BANK1: variants seen among roughly 807,000 people sequenced by gnomAD.
The protein encoded by BANK1 is B-cell scaffold protein with ankyrin repeats.
BANK1 carries 95 observed loss-of-function variants against 94.5 expected under a neutral mutation model. The observed-to-expected ratio is 1.00, with a 90% confidence interval of 0.85 to 1.19. BANK1 has a LOEUF of 1.19. BANK1 is among the 50% of genes most tolerant of loss of function. The pLI is 0.00. For synonymous variants in BANK1, 334 were observed against 308.4 expected, an observed-to-expected ratio of 1.08 and a Z score of -0.87; for missense variants, 987 against 932.2, an observed-to-expected ratio of 1.06 and a Z score of -0.77.
chr4:101,834,801 A>T (rs1049442090), intron 2 of BANK1, among the ~76,000 whole-genome samples: 2 of 152,206 alleles, frequency 1.3e-5, no homozygotes, highest in Non-Finnish European at 2.9e-5. Context: ...ATGCCAGGAA[A>T]GTCATGGAAA....
chr4:102,043,384 C>T (rs1217123954), intron 10 of BANK1, among the ~76,000 whole-genome samples: 3 of 151,926 alleles, frequency 2.0e-5, no homozygotes, highest in Non-Finnish European at 4.4e-5. Flanking sequence ...AATAAAGTGT[C>T]TTTTTTATTA....
chr4:101,949,687 GCCTCTATTTTCTT>G (rs1296237118), intron 7 of BANK1, among the ~76,000 whole-genome samples: 2 of 152,100 alleles, frequency 1.3e-5, no homozygotes, highest in African/African-American at 4.8e-5. Context: ...AACATACTAT[GCCTCTATTTTCTT>G]ATCTACATGA....
At chr4:101,915,543 CAA>C (rs1027044318) in intron 6 of BANK1, among the ~76,000 whole-genome samples, 3 of 151,924 alleles carry the variant, frequency 2.0e-5, no homozygotes, top group Admixed American at 6.6e-5. Context: ...AGACAATTAA[CAA>C]GAGAAATACC....
At chr4:101,819,946 A>AAGAAGG (rs897961872) in intron 1 of BANK1, among the ~76,000 whole-genome samples, 28 of 152,268 alleles carry the variant, frequency 1.8e-4, no homozygotes, top group African/African-American at 6.7e-4. Flanking sequence ...TAAGGAGGAG[A>AAGAAGG]AGAAGGAGAA....
intron 2 of BANK1, among the ~76,000 whole-genome samples, chr4:101,836,398 T>C (rs543349745): frequency 6.6e-6 from 1 of 152,228 alleles, no homozygotes; most frequent in South Asian, 2.1e-4. Flanking sequence ...GTGAATCACT[T>C]AAACCTGGGA....
intron 2 of BANK1, among the ~76,000 whole-genome samples, chr4:101,851,572 C>T (rs186115409): frequency 2.4e-4 from 36 of 152,094 alleles, no homozygotes; most frequent in African/African-American, 4.3e-4. Context: ...TCTTGGGTGG[C>T]GGTTTATATT....
At chr4:101,832,884 T>C (rs1257865821) in intron 2 of BANK1, among the ~76,000 whole-genome samples, 1 of 151,964 alleles carries the variant, frequency 6.6e-6, no homozygotes, top group Non-Finnish European at 1.5e-5. Flanking sequence ...TGCTTTCTTT[T>C]TCCCTCCCTT....
At chr4:101,963,508 T>C (rs1034422535) in intron 7 of BANK1, among the ~76,000 whole-genome samples, 1 of 152,120 alleles carries the variant, frequency 6.6e-6, no homozygotes, top group Non-Finnish European at 1.5e-5. Context: ...ACATATGCCA[T>C]TTTTATTATA....
intron 7 of BANK1, among the ~76,000 whole-genome samples, chr4:101,986,841 A>G (rs1270613584): frequency 1.9e-4 from 12 of 64,696 alleles, no homozygotes; most frequent in African/African-American, 5.5e-4. Flanking sequence ...ATGTATATAT[A>G]TGTGTATATA....
chr4:101,924,695 A>G (rs1010086789), intron 7 of BANK1, among the ~76,000 whole-genome samples: 2 of 151,824 alleles, frequency 1.3e-5, no homozygotes, highest in Admixed American at 6.6e-5. Flanking sequence ...AGATTATTGC[A>G]TTATCAATTT....
At chr4:101,897,032 T>G (rs1235844786) in intron 6 of BANK1, among the ~76,000 whole-genome samples, 2 of 152,010 alleles carry the variant, frequency 1.3e-5, no homozygotes, top group African/African-American at 2.4e-5. Context: ...TTAGTTCTAT[T>G]TGGAAATTAT....
chr4:101,801,496 G>A (rs2148850423), intron 1 of BANK1, among the ~76,000 whole-genome samples: 1 of 152,148 alleles, frequency 6.6e-6, no homozygotes, highest in East Asian at 1.9e-4. Context: ...ACATATTGTT[G>A]AATATGTATT....
chr4:101,806,071 A>C (rs1164088514), intron 1 of BANK1, among the ~76,000 whole-genome samples: 1 of 151,968 alleles, frequency 6.6e-6, no homozygotes, highest in Non-Finnish European at 1.5e-5. Context: ...CTAGAATATT[A>C]ATATATTTTC....
chr4:101,919,624 G>A (rs1227677117), intron 7 of BANK1, among the ~76,000 whole-genome samples: 1 of 151,842 alleles, frequency 6.6e-6, no homozygotes, highest in Admixed American at 6.6e-5. Flanking sequence ...CGTAGTCGCT[G>A]CATTCTAATT....
chr4:101,795,329 T>C (rs1408246952), intron 1 of BANK1, among the ~76,000 whole-genome samples: 1 of 148,482 alleles, frequency 6.7e-6, no homozygotes, highest in Non-Finnish European at 1.5e-5. Flanking sequence ...TTGTTCAGTA[T>C]AGTCATATGA....
chr4:101,796,805 C>T (rs944052782), intron 1 of BANK1, among the ~76,000 whole-genome samples: 18 of 152,102 alleles, frequency 1.2e-4, no homozygotes, highest in Non-Finnish European at 2.1e-4. Flanking sequence ...TTTTAATATA[C>T]ATTTCAATTG....
chr4:101,987,896 G>A lies in BANK1; in HGVS notation c.1207-33618G>A, dbSNP rs1172703841. Among the ~76,000 whole-genome samples, 5 of 152,144 alleles carry A rather than the reference G, an allele frequency of 3.3e-5. No individual in the cohort carries two copies. The East Asian group carries it at 9.6e-4, about 29-fold the overall frequency. On this transcript the variant is annotated intron_variant, in intron 7 of 16. Transcript: ENST00000322953. ...AACATGAGTAGCAGTCATGTGCGTT[G>A]CCTGTGGGAGAAAGCATGAAAAGCC...
rs144067663 is a variant in BANK1 at position 101,799,973 on chromosome 4, C to T, written c.70+9023C>T. On this transcript the variant is annotated intron_variant, in intron 1 of 16. Transcript: ENST00000322953. ...AGCCATGAAAAGGATGAGTTCATGTCCTTTGTAGGGACATGGATGAAGCTG... is the reference window on the plus strand; with the variant it reads ...AGCCATGAAAAGGATGAGTTCATGTTCTTTGTAGGGACATGGATGAAGCTG... Among the ~76,000 whole-genome samples, 1,108 of 152,028 alleles carry T rather than the reference C, an allele frequency of 7.3e-3. 12 individuals carry two copies. Among genetic ancestry groups the T allele is most frequent in the African/African-American group, 0.026 (1,061 of 41,478 alleles).
At chr4:101,847,619 G>C (rs1042951461) in intron 2 of BANK1, among the ~76,000 whole-genome samples, 2 of 151,896 alleles carry the variant, frequency 1.3e-5, no homozygotes, top group African/African-American at 4.8e-5. Flanking sequence ...GAGAACATAC[G>C]ATGTTTGGTT....
Sources: gnomAD v4.1 joint callset for allele counts (sites outside exome capture counted in the v4.1 genomes callset) on GRCh38, gnomAD v4.1.1 for gene constraint, MANE v1.5 for transcripts, NCBI Gene and HGNC (gene_info 2026-07-23, HGNC 2026-07-21) for gene names.